The following DLG2 variants were observed in gnomAD, a reference collection of about 807,000 sequenced individuals.
The protein encoded by DLG2 is disks large homolog 2.
Under a neutral mutation model 132.5 loss-of-function variants are expected in DLG2, and 45 were observed. The observed-to-expected ratio is 0.34, with a 90% CI of 0.27 to 0.44. The LOEUF is 0.44. DLG2 is among the 20% of genes least tolerant of loss of function. The pLI, the probability that DLG2 is intolerant of heterozygous loss-of-function variation, is 1.00. For missense variants in DLG2, 1,045 were observed against 1,196.9 expected (o/e 0.87, Z 1.87); for synonymous variants, 424 against 419.6 (o/e 1.01, Z -0.13).
At chr11:84,230,552 G>A (rs1048693950) in intron 8 of DLG2, among the ~76,000 whole-genome samples, 2 of 152,078 alleles carry the variant, frequency 1.3e-5, no homozygotes, top group African/African-American at 2.4e-5. Context: ...CTGGTTCTAA[G>A]TGCTGGGAAT....
chr11:84,918,891 A>G (rs571145043), intron 6 of DLG2, among the ~76,000 whole-genome samples: 2 of 152,326 alleles, frequency 1.3e-5, no homozygotes, highest in African/African-American at 4.8e-5. Flanking sequence ...CGCTTAATGC[A>G]TTCATTTAAA....
At chr11:84,831,666 G>A (rs77681188) in intron 6 of DLG2, among the ~76,000 whole-genome samples, 3,718 of 151,530 alleles carry the variant, frequency 0.025, 175 homozygotes, top group African/African-American at 0.086. Flanking sequence ...ATTCAACACT[G>A]CCTAATAAAC....
chr11:84,134,727 T>C (rs1235020958), intron 9 of DLG2, among the ~76,000 whole-genome samples: 4 of 152,002 alleles, frequency 2.6e-5, no homozygotes, highest in Admixed American at 1.3e-4. Context: ...TCTGTGTCTA[T>C]GTGTGTACCT....
chr11:84,882,334 A>G (rs975160745), intron 6 of DLG2, among the ~76,000 whole-genome samples: 5 of 152,072 alleles, frequency 3.3e-5, no homozygotes, highest in African/African-American at 1.2e-4. Context: ...AGAAAAAAAA[A>G]TGCCGTGTGA....
chr11:84,106,434 T>C (rs2092918772), intron 9 of DLG2, among the ~76,000 whole-genome samples: 1 of 152,136 alleles, frequency 6.6e-6, no homozygotes, highest in Non-Finnish European at 1.5e-5. Context: ...CATTGCTAAA[T>C]AGAGATTTTT....
At chr11:85,493,756 C>T (rs1194218820) in intron 3 of DLG2, among the ~76,000 whole-genome samples, 1 of 112,152 alleles carries the variant, frequency 8.9e-6, no homozygotes, top group South Asian at 2.8e-4. Flanking sequence ...GAAAGAGAGA[C>T]AGAGAAAGAG....
At position 84,426,671 on chromosome 11, in the gene DLG2, A is replaced by G. The variant is rs1331252337; in HGVS notation, c.519+107899T>C. Among the ~76,000 whole-genome samples, 3 of 152,158 alleles carry G rather than the reference A, an allele frequency of 2.0e-5. No individual in the cohort carries two copies. The East Asian group carries it at 5.8e-4, about 29-fold the overall frequency. On this transcript the variant is annotated intron_variant, in intron 7 of 27. Transcript: ENST00000376104. ...TTCTAGTTTTGAACTTCAATGTAACATTGCATGGGACTCTTTTCTCTTTTT... is the reference window on the plus strand; with the variant it reads ...TTCTAGTTTTGAACTTCAATGTAACGTTGCATGGGACTCTTTTCTCTTTTT...
intron 17 of DLG2, chr11:83,815,319 C>A (rs1296103916): frequency 6.6e-6 from 1 of 152,342 alleles, no homozygotes; most frequent in Admixed American, 6.5e-5. Context: ...TCCCTCAAGT[C>A]TTTTAATAAC....
chr11:83,955,529 C>G lies in DLG2; in HGVS notation c.1340+7356G>C, dbSNP rs12808950. ...ATGGCCCAAAGTGATAACTTCTACT[C>G]CTGTTCACCCACTCTCCCCTGATTG... is the stretch of plus-strand genomic sequence containing the variant. On this transcript the variant is annotated intron_variant, in intron 14 of 27. Coordinates refer to ENST00000376104, the MANE Select transcript of DLG2 (RefSeq NM_001142699.3). Among the ~76,000 whole-genome samples the G allele has an allele frequency of 1.3e-4, 20 of 152,312 alleles. No homozygotes were observed. In the East Asian group the frequency reaches 3.7e-3, roughly 28 times the overall value.
intron 19 of DLG2, among the ~76,000 whole-genome samples, chr11:83,619,224 G>C (rs1044948884): frequency 6.6e-6 from 1 of 152,180 alleles, no homozygotes; most frequent in East Asian, 1.9e-4. Flanking sequence ...TCATGTCAAA[G>C]ATCTACTCAC....
intron 6 of DLG2, among the ~76,000 whole-genome samples, chr11:84,719,763 A>T (rs916711985): frequency 1.3e-5 from 2 of 152,168 alleles, no homozygotes; most frequent in Non-Finnish European, 2.9e-5. Context: ...AGTGGATTGT[A>T]TAAAAGGGAA....
At chr11:83,979,976 T>C (rs1308473040) in intron 12 of DLG2, among the ~76,000 whole-genome samples, 1 of 152,208 alleles carries the variant, frequency 6.6e-6, no homozygotes, top group African/African-American at 2.4e-5. Flanking sequence ...GTCAACAAAA[T>C]AGATACATTG....
At chr11:84,809,693 CTAAA>C (rs1273694856) in intron 6 of DLG2, among the ~76,000 whole-genome samples, 2 of 151,778 alleles carry the variant, frequency 1.3e-5, no homozygotes, top group Admixed American at 1.3e-4. Context: ...AATACTTATT[CTAAA>C]TAAATACTGT....
chr11:84,497,553 C>A (rs1337747543), intron 7 of DLG2, among the ~76,000 whole-genome samples: 2 of 152,038 alleles, frequency 1.3e-5, no homozygotes, highest in Non-Finnish European at 2.9e-5. Flanking sequence ...CATACTGTTA[C>A]CTCCAAAGGA....
At chr11:84,653,247 T>C (rs963628284) in intron 6 of DLG2, among the ~76,000 whole-genome samples, 27 of 152,148 alleles carry the variant, frequency 1.8e-4, no homozygotes, top group Non-Finnish European at 5.9e-5. Flanking sequence ...AGATTTTTAA[T>C]AATTAAAGTA....
At chr11:85,499,639 CA>C (rs912944820) in intron 3 of DLG2, among the ~76,000 whole-genome samples, 2 of 151,608 alleles carry the variant, frequency 1.3e-5, no homozygotes, top group African/African-American at 2.4e-5. Context: ...AGAGACACAA[CA>C]AAAAAAAGAT....
rs1030348952 is a variant in DLG2, at chr11:83,830,365, T to A, written c.1722+3249A>T. On this transcript the variant is annotated intron_variant, in intron 17 of 27. Transcript: ENST00000376104. The stretch of plus-strand genomic sequence containing the variant: ...GTTTTCTTTGTCAAGCCATAGAGTA[T>A]CACTAGATCACCTTTTTCCTCTCAC... Among the ~76,000 whole-genome samples the A allele has an allele frequency of 2.6e-5, 4 of 152,226 alleles. No individual in the cohort carries two copies. In the East Asian group the frequency reaches 5.8e-4, roughly 22 times the overall value.
At chr11:84,951,178 TA>T (rs2050864149) in intron 6 of DLG2, among the ~76,000 whole-genome samples, 1 of 152,316 alleles carries the variant, frequency 6.6e-6, no homozygotes, top group African/African-American at 2.4e-5. Context: ...ACACTGCAAG[TA>T]CCCATACCAT....
At chr11:83,509,096 G>C (rs1019947965) in intron 21 of DLG2, among the ~76,000 whole-genome samples, 1 of 152,168 alleles carries the variant, frequency 6.6e-6, no homozygotes, top group Non-Finnish European at 1.5e-5. Context: ...ATGCTCCCAG[G>C]CATTTGTTAA....
Sources: gnomAD v4.1 joint callset for allele counts (sites outside exome capture counted in the v4.1 genomes callset) on GRCh38, gnomAD v4.1.1 for gene constraint, MANE v1.5 for transcripts, NCBI Gene and HGNC (gene_info 2026-07-23, HGNC 2026-07-21) for gene names.